NCAM2: variants seen among roughly 807,000 people sequenced by gnomAD.
NCAM2 encodes neural cell adhesion molecule 2, also known as N-CAM-2.
A neutral mutation model predicts 98.1 loss-of-function variants in NCAM2; 30 were observed. The ratio of observed to expected loss-of-function variants is 0.31; its 90% CI spans 0.23 to 0.41. The LOEUF (loss-of-function observed/expected upper bound fraction) is 0.41, where lower values mean the gene tolerates loss of function less well. NCAM2 is among the 10% of genes least tolerant of loss of function. The pLI is 1.00. For missense variants in NCAM2, 867 were observed against 1,005.8 expected (o/e 0.86, Z 1.87); for synonymous variants, 368 against 342.4 (o/e 1.07, Z -0.83).
chr21:21,386,230 G>A (rs1026062039), intron 9 of NCAM2, among the ~76,000 whole-genome samples: 4 of 151,980 alleles, frequency 2.6e-5, no homozygotes, highest in African/African-American at 9.7e-5. Context: ...TATAGGATGA[G>A]GTAAATAAGA....
At chr21:21,102,380 A>AT (rs1252348023) in intron 1 of NCAM2, among the ~76,000 whole-genome samples, 2 of 151,954 alleles carry the variant, frequency 1.3e-5, no homozygotes, top group South Asian at 2.1e-4. Flanking sequence ...ATGTAGTTTA[A>AT]TTTTTTTAAC....
At chr21:21,262,667 A>AG (rs910734288) in intron 1 of NCAM2, among the ~76,000 whole-genome samples, 1 of 151,524 alleles carries the variant, frequency 6.6e-6, no homozygotes, top group Non-Finnish European at 1.5e-5. Context: ...TCAAAAAAAA[A>AG]AAAAAAAAAA....
chr21:21,497,178 A>C (rs1987301262), intron 15 of NCAM2, among the ~76,000 whole-genome samples: 1 of 152,156 alleles, frequency 6.6e-6, no homozygotes, highest in African/African-American at 2.4e-5. Context: ...ATGGACATAA[A>C]TATGGGGACA....
Position 21,155,112 on chromosome 21 carries a change from A to G in NCAM2, c.56-125466A>G, listed in dbSNP as rs2067572871. On this transcript the variant is annotated intron_variant, in intron 1 of 17. Coordinates refer to ENST00000400546, the MANE Select transcript of NCAM2 (RefSeq NM_004540.5). ...AACAGGAAGGATAAATGGTAATGCC[A>G]TCAACCAAAATAACAGACAGAGAAA... Among the ~76,000 whole-genome samples the G allele has an allele frequency of 2.6e-5, 4 of 151,746 alleles. No individual in the cohort carries two copies. The South Asian group carries it at 8.3e-4, about 32-fold the overall frequency.
intron 1 of NCAM2, among the ~76,000 whole-genome samples, chr21:21,021,007 T>G (rs1037018482): frequency 1.3e-5 from 2 of 152,066 alleles, no homozygotes; most frequent in African/African-American, 2.4e-5. Flanking sequence ...GTAAGGTAGG[T>G]TGGCCAGGTG....
intron 1 of NCAM2, among the ~76,000 whole-genome samples, chr21:21,180,477 G>C (rs2068434034): frequency 6.6e-6 from 1 of 151,946 alleles, no homozygotes; most frequent in African/African-American, 2.4e-5. Context: ...GATTCAATTT[G>C]TTGAGTTTGT....
intron 1 of NCAM2, among the ~76,000 whole-genome samples, chr21:21,116,015 T>TTGTGTGTGTGTGTG (rs3071992): frequency 9.6e-5 from 14 of 146,204 alleles, no homozygotes; most frequent in Admixed American, 2.7e-4. Context: ...CATGCTGAGA[T>TTGTGTGTGTGTGTG]TGTGTGTGTG....
chr21:21,111,574 A>T (rs1325332694), intron 1 of NCAM2, among the ~76,000 whole-genome samples: 2 of 152,210 alleles, frequency 1.3e-5, no homozygotes, highest in African/African-American at 4.8e-5. Context: ...GACACATGCT[A>T]CGGATTAAGG....
intron 1 of NCAM2, among the ~76,000 whole-genome samples, chr21:21,262,777 G>C (rs7281836): frequency 0.52 from 79,096 of 151,496 alleles, 21,510 homozygotes; most frequent in Non-Finnish European, 0.61. Context: ...ACAAAATAAA[G>C]ATATTTAATG....
intron 14 of NCAM2, among the ~76,000 whole-genome samples, chr21:21,469,868 C>T (rs971281887): frequency 3.3e-5 from 5 of 151,952 alleles, no homozygotes; most frequent in African/African-American, 1.2e-4. Flanking sequence ...GGTCTCCTGG[C>T]CATTCTCATT....
At chr21:21,218,209 G>C (rs1269733918) in intron 1 of NCAM2, among the ~76,000 whole-genome samples, 1 of 152,172 alleles carries the variant, frequency 6.6e-6, no homozygotes, top group Admixed American at 6.6e-5. Flanking sequence ...TGTGAGCGTG[G>C]CCTATTAGCT....
chr21:21,499,255 ATTTG>A (rs1392392561), intron 15 of NCAM2, among the ~76,000 whole-genome samples: 2 of 152,152 alleles, frequency 1.3e-5, no homozygotes, highest in African/African-American at 2.4e-5. Context: ...TGTTTTGTTT[ATTTG>A]TTTGTTTGAG....
chr21:21,532,634 TA>T (rs1251262273), intron 16 of NCAM2, among the ~76,000 whole-genome samples: 1 of 152,174 alleles, frequency 6.6e-6, no homozygotes, highest in Non-Finnish European at 1.5e-5. Context: ...TACCAATTGT[TA>T]ATATAAGAAA....
intron 1 of NCAM2, among the ~76,000 whole-genome samples, chr21:21,121,157 A>G (rs1400827475): frequency 6.6e-6 from 1 of 152,234 alleles, no homozygotes; most frequent in African/African-American, 2.4e-5. Context: ...TTCATATAAA[A>G]TATCTCAGAA....
intron 12 of NCAM2, 44 bp from the exon 13 acceptor site, chr21:21,466,562 T>G: frequency 7.4e-7 from 1 of 1,356,072 alleles, no homozygotes; most frequent in Non-Finnish European, 1.0e-6. Context: ...TAGATATATA[T>G]GTATATATAT....
intron 1 of NCAM2, among the ~76,000 whole-genome samples, chr21:21,015,315 G>C (rs868103740): frequency 6.6e-6 from 1 of 152,088 alleles, no homozygotes; most frequent in Non-Finnish European, 1.5e-5. Context: ...AGGAAGAGCC[G>C]ATTGAAAACA....
intron 15 of NCAM2, among the ~76,000 whole-genome samples, chr21:21,487,863 C>T (rs1420369962): frequency 6.6e-6 from 1 of 152,066 alleles, no homozygotes; most frequent in African/African-American, 2.4e-5. Flanking sequence ...AAAATGTATT[C>T]TTACGTGGAA....
At chr21:21,017,362 G>A (rs561899945) in intron 1 of NCAM2, among the ~76,000 whole-genome samples, 28 of 126,312 alleles carry the variant, frequency 2.2e-4, no homozygotes, top group Non-Finnish European at 3.7e-4. Context: ...GGAGGTGGAG[G>A]TTGCATTGAA....
chr21:21,212,582 G>C (rs1394149240), intron 1 of NCAM2, among the ~76,000 whole-genome samples: 1 of 152,100 alleles, frequency 6.6e-6, no homozygotes, highest in African/African-American at 2.4e-5. Context: ...GGTAAACCTG[G>C]GGAAAGCTGA....
Sources: gnomAD v4.1 joint callset for allele counts (sites outside exome capture counted in the v4.1 genomes callset) on GRCh38, gnomAD v4.1.1 for gene constraint, MANE v1.5 for transcripts, NCBI Gene and HGNC (gene_info 2026-07-23, HGNC 2026-07-21) for gene names.